The following INPP5A variants were observed in gnomAD, a reference collection of about 807,000 sequenced individuals.
The protein encoded by INPP5A is inositol polyphosphate-5-phosphatase A.
In INPP5A, 14 loss-of-function variants were observed where a neutral mutation model predicts 65.2. That is an observed-to-expected ratio of 0.21 (90% CI 0.14 to 0.34). INPP5A has a LOEUF of 0.34. Among genes scored for constraint, INPP5A ranks in the 10% least tolerant of loss-of-function variants. INPP5A has a pLI of 1.00. For synonymous variants in INPP5A, 207 were observed against 208.3 expected, an observed-to-expected ratio of 0.99 and a Z score of 0.05; for missense variants, 431 against 545.6, an observed-to-expected ratio of 0.79 and a Z score of 2.09.
intron 9 of INPP5A, among the ~76,000 whole-genome samples, chr10:132,732,213 T>C (rs1275599755): frequency 6.6e-6 from 1 of 152,260 alleles, no homozygotes; most frequent in Non-Finnish European, 1.5e-5. Flanking sequence ...GCGCTGTTTG[T>C]CTGCCATTTG....
intron 1 of INPP5A, among the ~76,000 whole-genome samples, chr10:132,595,519 G>A (rs558340820): frequency 6.6e-6 from 1 of 152,226 alleles, no homozygotes; most frequent in South Asian, 2.1e-4. Context: ...TACCCACATT[G>A]CGGTGTTTGT....
intron 4 of INPP5A, among the ~76,000 whole-genome samples, chr10:132,653,051 C>G (rs1185240915): frequency 6.6e-6 from 1 of 152,214 alleles, no homozygotes; most frequent in Non-Finnish European, 1.5e-5. Context: ...GGCTCTCCAG[C>G]CAGAGCAGTG....
At chr10:132,729,812 C>T (rs778171771) in intron 9 of INPP5A, among the ~76,000 whole-genome samples, 6 of 152,158 alleles carry the variant, frequency 3.9e-5, no homozygotes, top group Non-Finnish European at 5.9e-5. Context: ...CTACAGAGGA[C>T]GGGAATTCTA....
At chr10:132,713,218 G>A (rs912725404) in intron 8 of INPP5A, among the ~76,000 whole-genome samples, 6 of 151,664 alleles carry the variant, frequency 4.0e-5, no homozygotes, top group African/African-American at 1.5e-4. Flanking sequence ...GTATGGGTGT[G>A]CACACGTGTG....
At chr10:132,565,823 A>G (rs183666550) in intron 1 of INPP5A, among the ~76,000 whole-genome samples, 1 of 147,500 alleles carries the variant, frequency 6.8e-6, no homozygotes, top group Non-Finnish European at 1.5e-5. Context: ...GTATGCATGT[A>G]TGTGTGCATG....
chr10:132,592,903 C>G (rs1294242460), intron 1 of INPP5A, among the ~76,000 whole-genome samples: 3 of 151,754 alleles, frequency 2.0e-5, no homozygotes, highest in African/African-American at 4.8e-5. Flanking sequence ...GCTCAGGTCT[C>G]ACGCGGCTGC....
At chr10:132,624,957 G>A (rs1002742453) in intron 2 of INPP5A, among the ~76,000 whole-genome samples, 4 of 152,012 alleles carry the variant, frequency 2.6e-5, no homozygotes, top group Non-Finnish European at 5.9e-5. Flanking sequence ...GCCACCCTCA[G>A]AGGCTCCCTG....
intron 1 of INPP5A, among the ~76,000 whole-genome samples, chr10:132,559,348 G>T (rs1467920951): frequency 6.6e-6 from 1 of 152,182 alleles, no homozygotes; most frequent in Non-Finnish European, 1.5e-5. Flanking sequence ...TATTGTTGTC[G>T]ATATTACTTT....
intron 2 of INPP5A, among the ~76,000 whole-genome samples, chr10:132,632,969 C>T (rs1233709337): frequency 1.3e-5 from 2 of 152,184 alleles, no homozygotes; most frequent in Non-Finnish European, 2.9e-5. Flanking sequence ...CCCAGGGCCT[C>T]GCCTGGAGAG....
In INPP5A at chr10:132,719,208, C is replaced by T. The variant is rs568446137; in HGVS notation, c.648-7613C>T. Reference sequence around the variant, plus strand: ...GTGGTACCTGGGTTCTGTCTGGGCACCTTAGACGACTGTCTTGGGGGTTCT... The same window carrying T: ...GTGGTACCTGGGTTCTGTCTGGGCATCTTAGACGACTGTCTTGGGGGTTCT... On this transcript the variant is annotated intron_variant, in intron 8 of 15. Coordinates refer to ENST00000368594, the MANE Select transcript of INPP5A (RefSeq NM_005539.5). Among the ~76,000 whole-genome samples the T allele has an allele frequency of 9.5e-5, 14 of 147,790 alleles. No homozygotes were observed. The South Asian group carries it at 3.0e-3, about 32-fold the overall frequency.
intron 8 of INPP5A, among the ~76,000 whole-genome samples, chr10:132,719,280 G>T (rs1161146811): frequency 1.3e-5 from 2 of 149,724 alleles, no homozygotes; most frequent in East Asian, 2.0e-4. Context: ...TGTCTTCAGG[G>T]TTCTGTGGCA....
intron 1 of INPP5A, among the ~76,000 whole-genome samples, chr10:132,593,520 G>A (rs1439329616): frequency 6.6e-6 from 1 of 152,160 alleles, no homozygotes; most frequent in Non-Finnish European, 1.5e-5. Flanking sequence ...GACTTACAGG[G>A]CATGTCTACT....
In INPP5A at chr10:132,654,931, C is replaced by A. The variant is rs189587269; in HGVS notation, c.306+4426C>A. On this transcript the variant is annotated intron_variant, in intron 4 of 15. Coordinates refer to ENST00000368594, the MANE Select transcript of INPP5A (RefSeq NM_005539.5). ...CCACGCAGCGCCTGAGAGTTTCCTA[C>A]CGGAGATGATCAGAAGGCAACTTTT... 2.6e-3 allele frequency among the ~76,000 whole-genome samples: 390 copies of A among 152,326 alleles called. 2 individuals carry two copies. The highest frequency in any genetic ancestry group is 8.9e-3 in the African/African-American group (371 of 41,566).
chr10:132,703,279 T>G (rs1392211699), intron 6 of INPP5A, among the ~76,000 whole-genome samples: 2 of 152,098 alleles, frequency 1.3e-5, no homozygotes, highest in Non-Finnish European at 2.9e-5. Flanking sequence ...CATACGTGCC[T>G]CCTGCACAAC....
At chr10:132,594,459 G>A (rs1218917092) in intron 1 of INPP5A, among the ~76,000 whole-genome samples, 1 of 152,148 alleles carries the variant, frequency 6.6e-6, no homozygotes. Context: ...GTTTTTGAAC[G>A]TGTGTGTGTA....
At chr10:132,710,945 T>A (rs1845626870) in intron 8 of INPP5A, among the ~76,000 whole-genome samples, 1 of 152,132 alleles carries the variant, frequency 6.6e-6, no homozygotes, top group African/African-American at 2.4e-5. Context: ...GGAGGCACAC[T>A]CTGCTCTGCG....
At chr10:132,646,667 C>T (rs2072498872) in intron 3 of INPP5A, among the ~76,000 whole-genome samples, 1 of 152,240 alleles carries the variant, frequency 6.6e-6, no homozygotes, top group African/African-American at 2.4e-5. Context: ...GGCTCGTCTC[C>T]ACCTCCAGAC....
At chr10:132,702,979 G>A (rs976013419) in intron 6 of INPP5A, among the ~76,000 whole-genome samples, 6 of 152,152 alleles carry the variant, frequency 3.9e-5, no homozygotes, top group East Asian at 1.9e-4. Context: ...GCGCCCTGCC[G>A]GTGCTGGTTA....
intron 8 of INPP5A, among the ~76,000 whole-genome samples, chr10:132,725,433 C>T (rs1590959967): frequency 6.6e-6 from 1 of 152,236 alleles, no homozygotes; most frequent in Non-Finnish European, 1.5e-5. Flanking sequence ...GAGGTGTCAG[C>T]GGTGGCGGCG....
Sources: gnomAD v4.1 joint callset for allele counts (sites outside exome capture counted in the v4.1 genomes callset) on GRCh38, gnomAD v4.1.1 for gene constraint, MANE v1.5 for transcripts, NCBI Gene and HGNC (gene_info 2026-07-23, HGNC 2026-07-21) for gene names.